The following CHD5 variants were observed in gnomAD, a reference collection of about 807,000 sequenced individuals.
CHD5 encodes the protein chromodomain helicase DNA binding protein 5.
Under a neutral mutation model 230.3 loss-of-function variants are expected in CHD5, and 69 were observed. That is an observed-to-expected ratio of 0.30 (90% confidence interval 0.25 to 0.37). CHD5 has a LOEUF of 0.37. Among genes scored for constraint, CHD5 ranks in the 10% least tolerant of loss-of-function variants. The pLI, the probability that CHD5 is intolerant of heterozygous loss-of-function variation, is 1.00. For synonymous variants in CHD5, 1,064 were observed against 1,065.9 expected (o/e 1.00, Z 0.03); for missense variants, 1,827 against 2,622.8 (o/e 0.70, Z 6.63).
At position 6,114,583 on chromosome 1, in the gene CHD5, T is replaced by C. The variant is rs185802920; in HGVS notation, c.4913-1585A>G. On this transcript the variant is annotated intron_variant, in intron 33 of 41. Coordinates refer to ENST00000262450, the MANE Select transcript of CHD5 (RefSeq NM_015557.3). ...TCTCATAATGTTTTAAGAAAGTTTA[T>C]GAATTCGTGTTGGGCCACATTCAAA... Among the ~76,000 whole-genome samples, 149 of 152,054 alleles carry C rather than the reference T, an allele frequency of 9.8e-4. 2 individuals are homozygous for C. Among genetic ancestry groups the C allele is most frequent in the Non-Finnish European group, 1.7e-3 (117 of 67,984 alleles).
rs527724540 is a variant in CHD5, at chr1:6,146,437, G to A, written c.1591-14C>T. On this transcript the variant is annotated splice_polypyrimidine_tract_variant and intron_variant, in intron 10 of 41. Coordinates refer to ENST00000262450, the MANE Select transcript of CHD5 (RefSeq NM_015557.3). This position sits in a 1 kb window ranked among gnomAD's most constrained non-coding sequence, Gnocchi z 5.1. ...GTACAGCTCCAGCTGCTCATGGAGC[G>A]GCACAAAGTCACAGAAGGGAGATGG... 39 of 1,608,798 alleles carry A rather than the reference G, an allele frequency of 2.4e-5. No homozygotes were observed. The highest frequency in any genetic ancestry group is 2.1e-4 in the South Asian group (19 of 90,710).
chr1:6,134,766 G>C lies in CHD5; in HGVS notation c.2964C>G (p.Asp988Glu), dbSNP rs1457915130. 1 of 1,614,106 alleles carries C rather than the reference G, an allele frequency of 6.2e-7. No individual in the cohort carries two copies. Among genetic ancestry groups the C allele is most frequent in the Admixed American group, 1.7e-5 (1 of 60,024 alleles). Residue 988 changes from aspartate to glutamate, a missense_variant, in exon 19 of 42, where the codon GAC becomes GAG. Physicochemically the swap from Asp to Glu is conservative, Grantham distance 45. Around this residue, in one of 14 missense-constraint regions of CHD5, gnomAD observed 3 missense variants for 24.1 expected, o/e 0.12. Transcript: ENST00000262450. This position sits in a 1 kb window ranked among gnomAD's most constrained non-coding sequence, Gnocchi z 6.3. ...AGGGGTGGTTGCAGCACTTTTTCAG[G>C]TCCATCATGATGTTGAGCAGCGATA... Reference protein sequence around the residue: ...NQVSLLNIMMDLKKCCNHPYL... With the variant: ...NQVSLLNIMMELKKCCNHPYL...
Position 6,106,416 on chromosome 1 carries a change from G to C in CHD5, c.5836C>G (p.Pro1946Ala). ...PGGIVNYNQM[P>A]LGPYVTDI ...CTACCGGTCACATAGGGCCCCAGGG[G>C]CATCTGGTTGTAGTTGACAATCCCT... The change falls in exon 40 of 42, where the codon CCC becomes GCC. Residue 1946 changes from proline (P) to alanine (A), a missense_variant. This residue lies in a region of CHD5 where 208 missense variants were observed against 302.0 expected (regional missense o/e 0.69). Transcript: ENST00000262450. 6.3e-7 allele frequency: 1 copy of C among 1,589,952 alleles called. No homozygotes were observed. The highest frequency in any genetic ancestry group is 1.3e-5 in the African/African-American group (1 of 74,490).
At chr1:6,124,746 C>T (rs919103733) in intron 29 of CHD5, 85 bp from the exon 30 acceptor site, 5 of 869,462 alleles carry the variant, frequency 5.8e-6, no homozygotes, top group Non-Finnish European at 8.9e-6. Flanking sequence ...CCCAGGGGAA[C>T]TCCTGGCTGA....
chr1:6,147,738 A>G (rs9434702), intron 9 of CHD5, among the ~76,000 whole-genome samples: 48,766 of 152,018 alleles, frequency 0.32, 9,280 homozygotes, highest in East Asian at 0.66. Context: ...TCCTCCACCT[A>G]CCAGATCTGT....
chr1:6,124,130 G>A, intron 30 of CHD5, 23 bp from the exon 31 acceptor site: 3 of 1,607,718 alleles, frequency 1.9e-6, no homozygotes, highest in Non-Finnish European at 2.5e-6. Context: ...GAGGGAAGGT[G>A]GAAGGGAAAG....
At chr1:6,178,256 T>A (rs1667455400) in intron 1 of CHD5, among the ~76,000 whole-genome samples, 1 of 151,520 alleles carries the variant, frequency 6.6e-6, no homozygotes, top group Non-Finnish European at 1.5e-5. Context: ...AAGCAGTGAG[T>A]CGGGTGCCTA....
Position 6,130,342 on chromosome 1 carries a change from G to A in CHD5, c.3263-14C>T. Reference sequence around the variant, plus strand: ...GGGCCCCGGGGGCTGAAAAAGAGAGGCCAGCAGATGGGAGTGTTTGGGGGG... The same window carrying A: ...GGGCCCCGGGGGCTGAAAAAGAGAGACCAGCAGATGGGAGTGTTTGGGGGG... On this transcript the variant is annotated splice_polypyrimidine_tract_variant and intron_variant, in intron 21 of 41. Transcript: ENST00000262450. This position sits in a 1 kb window ranked among gnomAD's most constrained non-coding sequence, Gnocchi z 4.9. The A allele has an allele frequency of 6.2e-7, 1 of 1,612,832 alleles. No individual in the cohort carries two copies. Among genetic ancestry groups the A allele is most frequent in the Non-Finnish European group, 8.5e-7 (1 of 1,179,510 alleles).
chr1:6,109,921 G>A lies in CHD5; in HGVS notation c.5452C>T (p.Pro1818Ser). 1 of 1,608,186 alleles carries A rather than the reference G, an allele frequency of 6.2e-7. No homozygotes were observed. The highest frequency in any genetic ancestry group is 8.5e-7 in the Non-Finnish European group (1 of 1,177,590). Residue 1818 changes from proline (P) to serine (S), a missense_variant, in exon 38 of 42, where the codon CCC becomes TCC. Pro to Ser is a moderately conservative substitution (Grantham distance 74). Transcript: ENST00000262450. ...TTGAGGGCCATGGCGGGGTGGTTGGGGTCCTGCGTCATGTTCAGGTACGCG... is the reference window on the plus strand; with the variant it reads ...TTGAGGGCCATGGCGGGGTGGTTGGAGTCCTGCGTCATGTTCAGGTACGCG... ...RAAYLNMTQDPNHPAMALNAR... is the reference protein window; with the variant it reads ...RAAYLNMTQDSNHPAMALNAR...
chr1:6,165,993 C>A (rs1667247284), intron 2 of CHD5, among the ~76,000 whole-genome samples: 1 of 152,016 alleles, frequency 6.6e-6, no homozygotes, highest in African/African-American at 2.4e-5. Context: ...CCCAGCTCCA[C>A]AGACCCGGGT....
rs527849255 is a variant in CHD5, at chr1:6,125,646, G to T, written c.4172-34C>A. 81 of 1,611,868 alleles carry T rather than the reference G, an allele frequency of 5.0e-5. No homozygotes were observed. In the South Asian group the frequency reaches 8.8e-4, roughly 17 times the overall value. On this transcript the variant is annotated intron_variant, in intron 27 of 41. Transcript: ENST00000262450. The surrounding 1 kb of genome is among the most constrained non-coding windows in gnomAD (Gnocchi z 6.7). Reference sequence around the variant, plus strand: ...CAGCCCGCCACAGTTCCTCAGGTGGGAGCCCAGAGATTCCTGATCCCCAAG... The same window carrying T: ...CAGCCCGCCACAGTTCCTCAGGTGGTAGCCCAGAGATTCCTGATCCCCAAG...
In CHD5 at chr1:6,142,660, A is replaced by C. The variant is rs1008795186; in HGVS notation, c.2044-55T>G. 71 of 1,552,372 alleles carry C rather than the reference A, an allele frequency of 4.6e-5. No homozygotes were observed. In the Admixed American group the frequency reaches 1.2e-3, roughly 26 times the overall value. Reference sequence around the variant, plus strand: ...CCCAGATCCTGGGCCACCAGAGTCCACACTACAGGCCTTTGCACATGCAAT... The same window carrying C: ...CCCAGATCCTGGGCCACCAGAGTCCCCACTACAGGCCTTTGCACATGCAAT... On this transcript the variant is annotated intron_variant, in intron 13 of 41. Transcript: ENST00000262450. The surrounding 1 kb of genome is among the most constrained non-coding windows in gnomAD (Gnocchi z 5.2).
At chr1:6,140,025 C>T (rs569320115) in intron 15 of CHD5, among the ~76,000 whole-genome samples, 1 of 152,194 alleles carries the variant, frequency 6.6e-6, no homozygotes, top group Non-Finnish European at 1.5e-5. Flanking sequence ...GAGGATCCAC[C>T]AGCCCCCAAG....
At chr1:6,113,248 T>C in intron 33 of CHD5, 1 of 480,460 alleles carries the variant, frequency 2.1e-6, no homozygotes, top group East Asian at 4.0e-5. Context: ...CATAGTGAAA[T>C]CTCATCTCTA....
chr1:6,159,345 T>C lies in CHD5; in HGVS notation c.378A>G (p.Gly126=). ...AGGCCTCCACAGTTACCTTTAAGCA[T>C]CCATCATCATTATCATCCTCATCCT... ...KDEDEDDNDD[G]CLKEPKSSGQ... is the part of the protein sequence containing the mutation. Residue 126 remains glycine, a synonymous_variant, in exon 3 of 42, where the codon GGA becomes GGG. Coordinates refer to ENST00000262450, the MANE Select transcript of CHD5 (RefSeq NM_015557.3). 1 of 1,551,496 alleles carries C rather than the reference T, an allele frequency of 6.4e-7. No individual in the cohort carries two copies. The highest frequency in any genetic ancestry group is 1.2e-5 in the South Asian group (1 of 84,050).
intron 33 of CHD5, among the ~76,000 whole-genome samples, chr1:6,120,106 C>A (rs1666445721): frequency 6.6e-6 from 1 of 152,136 alleles, no homozygotes; most frequent in Admixed American, 6.5e-5. Flanking sequence ...GGTAATTCAC[C>A]TGCCTCAGCC....
rs927209455 is a variant in CHD5, at chr1:6,131,772, G to A, written c.3145-24C>T. 2.6e-6 allele frequency: 4 copies of A among 1,532,636 alleles called. No homozygotes were observed. In the East Asian group the frequency reaches 9.0e-5, roughly 35 times the overall value. The allele number at this position is 1,532,636 out of a possible 1,614,324, so 94.9% of individuals were successfully genotyped here. A position where few individuals can be genotyped will look rare whatever the true frequency, so the allele number is the denominator to read the frequency against. On this transcript the variant is annotated intron_variant, in intron 20 of 41. Coordinates refer to ENST00000262450, the MANE Select transcript of CHD5 (RefSeq NM_015557.3). This position sits in a 1 kb window ranked among gnomAD's most constrained non-coding sequence, Gnocchi z 5.0. ...ATCTGCAGGGGAGACGGGCACGTGA[G>A]GAACTGCCAAGGAGCAAGGGGCCCC...
intron 37 of CHD5, 102 bp from the exon 38 acceptor site, chr1:6,110,092 GGGAAAGA>G: frequency 1.7e-6 from 2 of 1,157,092 alleles, no homozygotes; most frequent in South Asian, 3.2e-5. Flanking sequence ...GCAGAAAGGA[GGGAAAGA>G]GGACGTACTG....
chr1:6,113,516 G>C (rs1202442557), intron 33 of CHD5: 1 of 256,130 alleles, frequency 3.9e-6, no homozygotes, highest in Admixed American at 4.5e-5. Context: ...TGAGGAAGCA[G>C]GAGCTGGTGT....
Sources: gnomAD v4.1 joint callset for allele counts (sites outside exome capture counted in the v4.1 genomes callset) on GRCh38, gnomAD v4.1.1 for gene constraint, gnomAD v4.1.1 regional missense constraint, Gnocchi (gnomAD v3.1) non-coding constraint, MANE v1.5 for transcripts, NCBI Gene and HGNC (gene_info 2026-07-23, HGNC 2026-07-21) for gene names.